Variants in BAALC observed in about 807,000 individuals in gnomAD.
The protein encoded by BAALC is brain and acute leukemia cytoplasmic protein.
Under a neutral mutation model 15.5 loss-of-function variants are expected in BAALC, and 9 were observed. The ratio of observed to expected loss-of-function variants is 0.58; its 90% CI spans 0.35 to 1.02. The LOEUF (loss-of-function observed/expected upper bound fraction) is 1.02. BAALC is among the 50% of genes least tolerant of loss of function. BAALC has a pLI of 0.02. For missense variants in BAALC, 201 were observed against 192.4 expected (o/e 1.04, Z -0.27); for synonymous variants, 80 against 74.6 (o/e 1.07, Z -0.37).
intron 1 of BAALC, 126 bp from the exon 2 acceptor site, chr8:103,212,793 C>A: frequency 1.1e-6 from 1 of 932,252 alleles, no homozygotes; most frequent in Non-Finnish European, 1.6e-6. Context: ...GGTAGCTCTG[C>A]ATGGTGGGAT....
chr8:103,147,025 A>C (rs1256333483), intron 1 of BAALC, among the ~76,000 whole-genome samples: 2 of 152,192 alleles, frequency 1.3e-5, no homozygotes, highest in East Asian at 3.8e-4. Flanking sequence ...CACATGATTG[A>C]TATTTGCATG....
chr8:103,227,926 C>A, intron 2 of BAALC, 63 bp from the exon 3 acceptor site: 4 of 1,157,180 alleles, frequency 3.5e-6, no homozygotes, highest in Non-Finnish European at 3.8e-6. Flanking sequence ...TTGAGACTTG[C>A]CTCGGTCATT....
At chr8:103,194,424 C>T (rs1176438599) in intron 1 of BAALC, among the ~76,000 whole-genome samples, 1 of 152,162 alleles carries the variant, frequency 6.6e-6, no homozygotes, top group Non-Finnish European at 1.5e-5. Context: ...ATCATTTTCT[C>T]TCTCCTTCTT....
intron 1 of BAALC, among the ~76,000 whole-genome samples, chr8:103,157,550 G>A (rs186793764): frequency 2.8e-4 from 43 of 152,310 alleles, no homozygotes; most frequent in African/African-American, 1.0e-3. Context: ...GCTCACACCA[G>A]TAATCCCAGC....
At chr8:103,159,177 A>G (rs997331363) in intron 1 of BAALC, among the ~76,000 whole-genome samples, 4 of 152,198 alleles carry the variant, frequency 2.6e-5, no homozygotes, top group African/African-American at 9.7e-5. Context: ...TATTCTTTCC[A>G]TCGTGTGGTT....
chr8:103,173,244 G>A (rs1393552412), intron 1 of BAALC, among the ~76,000 whole-genome samples: 5 of 152,182 alleles, frequency 3.3e-5, no homozygotes. Flanking sequence ...AGATGAGGAT[G>A]CCACTGTTTC....
chr8:103,183,347 T>A (rs1380986358), intron 1 of BAALC: 1 of 702,858 alleles, frequency 1.4e-6, no homozygotes, highest in African/African-American at 1.7e-5. Flanking sequence ...TGTTCTTATT[T>A]TCCTGGTTTT....
intron 1 of BAALC, 170 bp downstream of exon 1, chr8:103,141,227 G>C (rs928247767): frequency 5.4e-6 from 4 of 740,502 alleles, no homozygotes; most frequent in African/African-American, 3.7e-5. Flanking sequence ...GCAAGCCCAG[G>C]GAGTGGGGTC....
intron 2 of BAALC, among the ~76,000 whole-genome samples, chr8:103,224,369 T>C (rs1346489162): frequency 7.4e-6 from 1 of 136,040 alleles, no homozygotes; most frequent in Non-Finnish European, 1.5e-5. Context: ...ATCAAATACA[T>C]TTAAGAAATA....
chr8:103,178,219 G>A (rs72673313), intron 1 of BAALC, among the ~76,000 whole-genome samples: 11,308 of 152,304 alleles, frequency 0.074, 576 homozygotes, highest in Non-Finnish European at 0.12. Context: ...GTCACAGCTG[G>A]ATGATAAAGT....
At chr8:103,183,582 C>A in intron 1 of BAALC, 2 of 634,306 alleles carry the variant, frequency 3.2e-6, no homozygotes, top group South Asian at 3.6e-5. Flanking sequence ...TGTCATGAAG[C>A]ATATTTTCCG....
intron 1 of BAALC, among the ~76,000 whole-genome samples, chr8:103,146,522 T>A (rs1810884801): frequency 6.6e-6 from 1 of 152,202 alleles, no homozygotes. Flanking sequence ...TTAGATAAGG[T>A]TTCATTTCAC....
At chr8:103,227,303 A>G (rs920702668) in intron 2 of BAALC, among the ~76,000 whole-genome samples, 1 of 152,250 alleles carries the variant, frequency 6.6e-6, no homozygotes, top group African/African-American at 2.4e-5. Context: ...GGAAAGGGAA[A>G]GTTAAGCTTA....
chr8:103,195,246 C>A (rs370237830), intron 1 of BAALC, among the ~76,000 whole-genome samples: 3 of 152,224 alleles, frequency 2.0e-5, no homozygotes, highest in African/African-American at 7.2e-5. Flanking sequence ...CTACATGAAC[C>A]CTCACCAGCC....
At chr8:103,197,955 C>A in intron 1 of BAALC, 1 of 561,724 alleles carries the variant, frequency 1.8e-6, no homozygotes, top group South Asian at 2.4e-5. Context: ...AGCCTTCATC[C>A]CAACGATGCC....
intron 1 of BAALC, among the ~76,000 whole-genome samples, chr8:103,172,526 C>T (rs1586397782): frequency 6.6e-6 from 1 of 151,890 alleles, no homozygotes; most frequent in Non-Finnish European, 1.5e-5. Flanking sequence ...CTCAGCCTCC[C>T]GAGTAGCTGG....
At chr8:103,167,174 G>A (rs1201269135) in intron 1 of BAALC, among the ~76,000 whole-genome samples, 1 of 152,178 alleles carries the variant, frequency 6.6e-6, no homozygotes, top group Admixed American at 6.6e-5. Flanking sequence ...TACTAAGATA[G>A]ACCAAATATA....
intron 1 of BAALC, among the ~76,000 whole-genome samples, chr8:103,171,430 A>ACC (rs1811490682): frequency 7.9e-6 from 1 of 126,180 alleles, no homozygotes; most frequent in African/African-American, 2.9e-5. Flanking sequence ...GAATGAAAAT[A>ACC]AAAAGAAAGA....
chr8:103,215,494 G>A (rs1360273078), intron 2 of BAALC, among the ~76,000 whole-genome samples: 3 of 151,764 alleles, frequency 2.0e-5, no homozygotes, highest in African/African-American at 7.3e-5. Context: ...ACACCCTCCC[G>A]CCACCCCCAC....
Sources: gnomAD v4.1 joint callset for allele counts (sites outside exome capture counted in the v4.1 genomes callset) on GRCh38, gnomAD v4.1.1 for gene constraint, MANE v1.5 for transcripts, NCBI Gene and HGNC (gene_info 2026-07-23, HGNC 2026-07-21) for gene names.